WWTR1: variants seen among roughly 807,000 people sequenced by gnomAD.
WWTR1 encodes the protein WW domain-containing transcription regulator protein 1.
In WWTR1, 13 loss-of-function variants were observed where a neutral mutation model predicts 40.1. The observed-to-expected ratio is 0.32, with a 90% CI of 0.21 to 0.52. WWTR1 has a LOEUF of 0.52. Among genes scored for constraint, WWTR1 ranks in the 20% least tolerant of loss-of-function variants. The pLI, the probability that WWTR1 is intolerant of heterozygous loss-of-function variation, is 0.97. For synonymous variants in WWTR1, 230 were observed against 210.1 expected (o/e 1.09, Z -0.82); for missense variants, 436 against 523.1 (o/e 0.83, Z 1.63).
intron 2 of WWTR1, among the ~76,000 whole-genome samples, chr3:149,645,913 T>A (rs1394396960): frequency 6.6e-6 from 1 of 152,116 alleles, no homozygotes; most frequent in Admixed American, 6.5e-5. Flanking sequence ...AGAACAGAAA[T>A]TGGATTTTTG....
At chr3:149,607,113 GC>G (rs1739524337) in intron 2 of WWTR1, among the ~76,000 whole-genome samples, 1 of 152,142 alleles carries the variant, frequency 6.6e-6, no homozygotes, top group Non-Finnish European at 1.5e-5. Context: ...TCAAGGCAAA[GC>G]CATGACGCAG....
chr3:149,580,053 T>A (rs1486479210), intron 2 of WWTR1, among the ~76,000 whole-genome samples: 1 of 152,226 alleles, frequency 6.6e-6, no homozygotes, highest in African/African-American at 2.4e-5. Context: ...ATTAAACTTT[T>A]AAAATTTTCC....
intron 1 of WWTR1, chr3:149,702,831 G>A (rs987695688): frequency 6.6e-6 from 1 of 152,188 alleles, no homozygotes; most frequent in Non-Finnish European, 1.5e-5. Flanking sequence ...AGACTGCAAG[G>A]CTGTTGATTC....
intron 2 of WWTR1, among the ~76,000 whole-genome samples, chr3:149,639,213 A>T (rs542489430): frequency 3.3e-4 from 50 of 152,132 alleles, no homozygotes; most frequent in Admixed American, 6.6e-4. Flanking sequence ...CTTGGAAAAA[A>T]ATATATATAT....
At chr3:149,685,265 C>A (rs1378996669) in intron 1 of WWTR1, among the ~76,000 whole-genome samples, 1 of 152,142 alleles carries the variant, frequency 6.6e-6, no homozygotes, top group Non-Finnish European at 1.5e-5. Flanking sequence ...ACATAGAAGA[C>A]CTGAGTTAGT....
chr3:149,660,176 A>G (rs565698838), upstream of WWTR1: 68 of 152,336 alleles, frequency 4.5e-4, no homozygotes, highest in African/African-American at 1.6e-3. Flanking sequence ...CAGTTGCAAC[A>G]ACAGGGGAAA....
At chr3:149,597,749 G>A (rs1340294405) in intron 2 of WWTR1, among the ~76,000 whole-genome samples, 2 of 152,228 alleles carry the variant, frequency 1.3e-5, no homozygotes, top group African/African-American at 4.8e-5. Context: ...TGGGAAAGAT[G>A]CTTGGAAGAA....
chr3:149,682,971 T>C (rs899234390), intron 1 of WWTR1, among the ~76,000 whole-genome samples: 9 of 152,162 alleles, frequency 5.9e-5, no homozygotes, highest in Non-Finnish European at 1.5e-5. Flanking sequence ...GGATGTGCAA[T>C]AGGGTAAAAT....
chr3:149,717,120 T>C (rs1297278790), intron 5 of WWTR1, among the ~76,000 whole-genome samples: 2 of 152,166 alleles, frequency 1.3e-5, no homozygotes, highest in Non-Finnish European at 2.9e-5. Flanking sequence ...CGAGCTGAGA[T>C]TGTGCGACTC....
intron 2 of WWTR1, among the ~76,000 whole-genome samples, chr3:149,587,783 C>G (rs76128029): frequency 0.081 from 12,263 of 152,248 alleles, 551 homozygotes; most frequent in Middle Eastern, 0.095. Flanking sequence ...CTCCACCTCA[C>G]TCTTTATAGA....
intron 4 of WWTR1, among the ~76,000 whole-genome samples, chr3:149,719,246 C>A (rs1157738227): frequency 2.0e-5 from 3 of 151,522 alleles, no homozygotes; most frequent in Non-Finnish European, 4.4e-5. Context: ...TTGGGGCTCA[C>A]TGCAACCTCT....
At chr3:149,580,225 A>C (rs1738078837) in intron 2 of WWTR1, among the ~76,000 whole-genome samples, 1 of 152,234 alleles carries the variant, frequency 6.6e-6, no homozygotes, top group Admixed American at 6.5e-5. Context: ...CTCATATCTT[A>C]CATTTCTTTT....
At chr3:149,551,349 G>A (rs2107956220) in intron 3 of WWTR1, among the ~76,000 whole-genome samples, 1 of 144,666 alleles carries the variant, frequency 6.9e-6, no homozygotes, top group Non-Finnish European at 1.5e-5. Context: ...TTTAAAACTT[G>A]AATGCAGTCT....
intron 3 of WWTR1, among the ~76,000 whole-genome samples, chr3:149,552,173 C>T (rs1736641949): frequency 1.4e-5 from 2 of 145,076 alleles, no homozygotes; most frequent in South Asian, 4.4e-4. Flanking sequence ...CTCTCATGTT[C>T]CTGGACTTGT....
At chr3:149,630,556 C>T (rs1455486380) in intron 2 of WWTR1, among the ~76,000 whole-genome samples, 1 of 152,178 alleles carries the variant, frequency 6.6e-6, no homozygotes, top group African/African-American at 2.4e-5. Flanking sequence ...AGCTCCCGTA[C>T]CTTCTAGGCA....
chr3:149,647,788 G>A (rs577875961), intron 2 of WWTR1, among the ~76,000 whole-genome samples: 1 of 152,326 alleles, frequency 6.6e-6, no homozygotes, highest in East Asian at 1.9e-4. Flanking sequence ...CAACATAGGT[G>A]ACAATGGTGG....
intron 2 of WWTR1, among the ~76,000 whole-genome samples, chr3:149,629,087 T>C (rs1404570869): frequency 2.0e-5 from 3 of 152,368 alleles, no homozygotes; most frequent in East Asian, 1.9e-4. Flanking sequence ...CTTCTGGCAG[T>C]AATCTCTGCC....
chr3:149,680,723 T>G (rs1255218278), intron 1 of WWTR1, among the ~76,000 whole-genome samples: 2 of 151,708 alleles, frequency 1.3e-5, no homozygotes, highest in Non-Finnish European at 2.9e-5. Context: ...GCACCTGTAG[T>G]CCCAGCTACT....
chr3:149,599,896 C>G (rs1739170233), intron 2 of WWTR1, among the ~76,000 whole-genome samples: 1 of 152,132 alleles, frequency 6.6e-6, no homozygotes, highest in South Asian at 2.1e-4. Flanking sequence ...TCACCTGTTT[C>G]ACATCCTGGG....
Sources: allele counts gnomAD v4.1 joint callset (sites outside exome capture counted in the v4.1 genomes callset), GRCh38; gene constraint gnomAD v4.1.1; transcripts MANE v1.5; gene names NCBI Gene and HGNC (gene_info 2026-07-23, HGNC 2026-07-21).